The following TRPS1 variants were observed in gnomAD, a reference collection of about 807,000 sequenced individuals.
TRPS1 encodes the protein zinc finger transcription factor Trps1.
A neutral mutation model predicts 101.2 loss-of-function variants in TRPS1; 6 were observed. The ratio of observed to expected loss-of-function variants is 0.06; its 90% CI spans 0.03 to 0.12. The LOEUF (loss-of-function observed/expected upper bound fraction) is 0.12, where lower values mean the gene tolerates loss of function less well. TRPS1 is among the 10% of genes least tolerant of loss of function. The probability of loss-of-function intolerance (pLI) is 1.00; values close to 1 mark genes in which losing one functional copy is unlikely to be tolerated. For synonymous variants in TRPS1, 578 were observed against 589.8 expected, an observed-to-expected ratio of 0.98 and a Z score of 0.29; for missense variants, 1,363 against 1,567.0, an observed-to-expected ratio of 0.87 and a Z score of 2.20.
chr8:115,644,184 A>G (rs1192010588), intron 1 of TRPS1, among the ~76,000 whole-genome samples: 1 of 152,182 alleles, frequency 6.6e-6, no homozygotes, highest in Admixed American at 6.5e-5. Context: ...ATTCTACTTC[A>G]AGTCACCAGC....
At chr8:115,633,566 C>A (rs1002174801) in intron 1 of TRPS1, among the ~76,000 whole-genome samples, 1 of 152,100 alleles carries the variant, frequency 6.6e-6, no homozygotes, top group Non-Finnish European at 1.5e-5. Context: ...TTGGTTTTCA[C>A]CAAAAGCCTG....
chr8:115,494,783 C>T (rs1015618050), intron 5 of TRPS1, among the ~76,000 whole-genome samples: 4 of 152,148 alleles, frequency 2.6e-5, no homozygotes, highest in African/African-American at 9.7e-5. Context: ...AACAATATTA[C>T]CCCAATTCTG....
At chr8:115,553,991 CT>C (rs1429892434) in intron 5 of TRPS1, among the ~76,000 whole-genome samples, 1 of 152,070 alleles carries the variant, frequency 6.6e-6, no homozygotes, top group Admixed American at 6.6e-5. Context: ...TAAACACTTA[CT>C]TTTTTCCAAA....
intron 5 of TRPS1, among the ~76,000 whole-genome samples, chr8:115,453,632 T>TA (rs1214774221): frequency 4.6e-5 from 7 of 151,810 alleles, no homozygotes; most frequent in Admixed American, 3.9e-4. Context: ...GAAAGCCACT[T>TA]AAATCTATCA....
chr8:115,459,161 C>T (rs985453702), intron 5 of TRPS1, among the ~76,000 whole-genome samples: 1 of 152,048 alleles, frequency 6.6e-6, no homozygotes, highest in African/African-American at 2.4e-5. Context: ...CACGGTGAAA[C>T]CCCGTCTCTA....
At position 115,604,109 on chromosome 8, in the gene TRPS1, A is replaced by T. The variant is rs1407232721; in HGVS notation, c.1860T>A (p.Ala620=). 3 of 1,613,982 alleles carry T rather than the reference A, an allele frequency of 1.9e-6. No individual in the cohort carries two copies. In the Admixed American group the frequency reaches 5.0e-5, roughly 27 times the overall value. The change falls in exon 4 of 7, where the codon GCT becomes GCA. Residue 620 remains alanine, a synonymous_variant. Transcript: ENST00000395715. The surrounding 1 kb of genome is among the most constrained non-coding windows in gnomAD (Gnocchi z 4.1). ...LLLLHLSPGA[A]GSSRVKHQCH... ...ACTGATGTTTGACTCGCGAGCTTCCAGCCGCCCCAGGAGACAAGTGCAGAA... is the reference window on the plus strand; with the variant it reads ...ACTGATGTTTGACTCGCGAGCTTCCTGCCGCCCCAGGAGACAAGTGCAGAA...
intron 1 of TRPS1, among the ~76,000 whole-genome samples, chr8:115,636,953 C>A (rs539772960): frequency 2.2e-4 from 34 of 151,354 alleles, no homozygotes; most frequent in African/African-American, 4.4e-4. Flanking sequence ...AAAACACACA[C>A]AAAAAAGTAA....
At chr8:115,659,842 G>A (rs1218418687) in intron 1 of TRPS1, among the ~76,000 whole-genome samples, 1 of 151,892 alleles carries the variant, frequency 6.6e-6, no homozygotes, top group Non-Finnish European at 1.5e-5. Flanking sequence ...CCTCAAATAG[G>A]TGTTGGGATG....
At chr8:115,625,341 G>A (rs542866170) in intron 1 of TRPS1, among the ~76,000 whole-genome samples, 2 of 151,910 alleles carry the variant, frequency 1.3e-5, no homozygotes, top group South Asian at 4.2e-4. Context: ...TGTACAATAA[G>A]GGAATTTGAA....
At chr8:115,589,950 C>CTTT (rs1817644020) in intron 4 of TRPS1, among the ~76,000 whole-genome samples, 1 of 152,068 alleles carries the variant, frequency 6.6e-6, no homozygotes, top group African/African-American at 2.4e-5. Flanking sequence ...AACCCCATCT[C>CTTT]TAATAAAAAT....
intron 5 of TRPS1, among the ~76,000 whole-genome samples, chr8:115,496,184 G>A (rs992413464): frequency 6.6e-5 from 10 of 152,110 alleles, no homozygotes; most frequent in Non-Finnish European, 1.0e-4. Context: ...ATTTATCCCA[G>A]GTTGAAAACA....
At chr8:115,442,721 G>A (rs1356891798) in intron 5 of TRPS1, among the ~76,000 whole-genome samples, 4 of 151,998 alleles carry the variant, frequency 2.6e-5, no homozygotes, top group African/African-American at 9.7e-5. Context: ...CAGCACTTTG[G>A]GATGCTGAGG....
At chr8:115,634,795 A>G (rs1818729070) in intron 1 of TRPS1, among the ~76,000 whole-genome samples, 1 of 152,104 alleles carries the variant, frequency 6.6e-6, no homozygotes, top group Non-Finnish European at 1.5e-5. Context: ...GTTATATTAA[A>G]TGTGAGACAT....
intron 5 of TRPS1, among the ~76,000 whole-genome samples, chr8:115,537,271 G>A (rs570860328): frequency 2.0e-5 from 3 of 152,102 alleles, no homozygotes; most frequent in East Asian, 3.9e-4. Context: ...TCTGGAAAAC[G>A]TTCATAGTTA....
At chr8:115,479,612 G>C (rs1343995822) in intron 5 of TRPS1, among the ~76,000 whole-genome samples, 1 of 152,036 alleles carries the variant, frequency 6.6e-6, no homozygotes, top group African/African-American at 2.4e-5. Flanking sequence ...ATAAAATTTT[G>C]TATCTAAATA....
intron 5 of TRPS1, among the ~76,000 whole-genome samples, chr8:115,541,865 C>T (rs1586383697): frequency 6.6e-6 from 1 of 152,248 alleles, no homozygotes; most frequent in South Asian, 2.1e-4. Context: ...ACCCTTATAT[C>T]CACACACAGC....
chr8:115,521,287 T>C (rs1221138425), intron 5 of TRPS1, among the ~76,000 whole-genome samples: 1 of 151,904 alleles, frequency 6.6e-6, no homozygotes, highest in Non-Finnish European at 1.5e-5. Flanking sequence ...CTAACTACGA[T>C]TCTCTATTAT....
intron 5 of TRPS1, among the ~76,000 whole-genome samples, chr8:115,541,150 GAAT>G (rs1816443087): frequency 6.6e-6 from 1 of 152,178 alleles, no homozygotes; most frequent in Admixed American, 6.5e-5. Context: ...TAGCAGAAGC[GAAT>G]GTATGTTACA....
intron 1 of TRPS1, among the ~76,000 whole-genome samples, chr8:115,639,742 T>C (rs992482832): frequency 2.6e-5 from 4 of 151,958 alleles, no homozygotes; most frequent in African/African-American, 9.7e-5. Context: ...GGCAGGAGGA[T>C]TGCTTGAGCT....
Sources: allele counts gnomAD v4.1 joint callset (sites outside exome capture counted in the v4.1 genomes callset), GRCh38; gene constraint gnomAD v4.1.1; non-coding constraint Gnocchi (gnomAD v3.1); transcripts MANE v1.5; gene names NCBI Gene and HGNC (gene_info 2026-07-23, HGNC 2026-07-21).